Variants in PCDH15 observed in about 807,000 individuals in gnomAD.
PCDH15 encodes protocadherin related 15.
In PCDH15, 129 loss-of-function variants were observed where a neutral mutation model predicts 178.5. The ratio of observed to expected loss-of-function variants is 0.72; its 90% CI spans 0.63 to 0.84. The LOEUF (loss-of-function observed/expected upper bound fraction) is 0.84. Among genes scored for constraint, PCDH15 ranks in the 40% least tolerant of loss-of-function variants. The pLI is 0.00. For synonymous variants in PCDH15, 800 were observed against 732.0 expected, an observed-to-expected ratio of 1.09 and a Z score of -1.50; for missense variants, 2,230 against 2,099.9, an observed-to-expected ratio of 1.06 and a Z score of -1.21.
chr10:54,442,455 T>C (rs2075879608), intron 3 of PCDH15, among the ~76,000 whole-genome samples: 4 of 100,130 alleles, frequency 4.0e-5, no homozygotes, highest in South Asian at 3.1e-4. Context: ...TATATATATA[T>C]ATATACAGTC....
chr10:55,229,179 T>A (rs1208550166), intron 1 of PCDH15, among the ~76,000 whole-genome samples: 3 of 151,858 alleles, frequency 2.0e-5, no homozygotes, highest in African/African-American at 7.3e-5. Flanking sequence ...CACATACTTT[T>A]ATAGTATGGG....
At chr10:55,468,225 G>T (rs1290707159) in intron 2 of PCDH15, 3 of 152,086 alleles carry the variant, frequency 2.0e-5, no homozygotes, top group Non-Finnish European at 4.4e-5. Flanking sequence ...TTCCTAGAAA[G>T]TTGCCCAACT....
chr10:53,988,176 G>T (rs1015788516), intron 21 of PCDH15, among the ~76,000 whole-genome samples: 1 of 152,038 alleles, frequency 6.6e-6, no homozygotes, highest in African/African-American at 2.4e-5. Flanking sequence ...TCCTTCTCAC[G>T]GAGTTGCTGA....
intron 14 of PCDH15, among the ~76,000 whole-genome samples, chr10:54,134,888 T>C (rs2042769623): frequency 1.3e-5 from 2 of 151,950 alleles, no homozygotes; most frequent in South Asian, 2.1e-4. Flanking sequence ...AATAGAATAG[T>C]AAGCATAAAA....
At chr10:55,235,433 TTTTA>T (rs1473438262) in intron 1 of PCDH15, among the ~76,000 whole-genome samples, 11 of 152,164 alleles carry the variant, frequency 7.2e-5, no homozygotes, top group Non-Finnish European at 1.6e-4. Flanking sequence ...CTTAAAAATC[TTTTA>T]TTTGTCTACT....
chr10:55,247,490 C>G (rs140022635), intron 1 of PCDH15, among the ~76,000 whole-genome samples: 1,605 of 152,162 alleles, frequency 0.011, 39 homozygotes, highest in African/African-American at 0.037. Flanking sequence ...ATTTTTTGGG[C>G]TGGAGGTGGC....
intron 1 of PCDH15, among the ~76,000 whole-genome samples, chr10:54,718,986 C>T (rs558986589): frequency 6.6e-6 from 1 of 151,990 alleles, no homozygotes; most frequent in East Asian, 1.9e-4. Flanking sequence ...TGAGCCACTG[C>T]ACCCGGTCCA....
intron 3 of PCDH15, among the ~76,000 whole-genome samples, chr10:54,454,937 G>C (rs895303739): frequency 4.6e-5 from 7 of 152,100 alleles, no homozygotes; most frequent in African/African-American, 1.4e-4. Flanking sequence ...CATGTGTTGT[G>C]GGAGGGATCC....
At chr10:54,729,986 T>C (rs1943116743) in intron 1 of PCDH15, among the ~76,000 whole-genome samples, 1 of 151,378 alleles carries the variant, frequency 6.6e-6, no homozygotes, top group Non-Finnish European at 1.5e-5. Context: ...GGAAATCAGT[T>C]TGGAGATTTG....
chr10:54,742,339 G>A, intron 1 of PCDH15, among the ~76,000 whole-genome samples: 1 of 151,904 alleles, frequency 6.6e-6, no homozygotes, highest in East Asian at 1.9e-4. Context: ...TTTTTCATAA[G>A]ATGATGGCTG....
intron 1 of PCDH15, among the ~76,000 whole-genome samples, chr10:54,707,549 T>C: frequency 6.6e-6 from 1 of 151,998 alleles, no homozygotes; most frequent in East Asian, 1.9e-4. Context: ...ATAAAATAAT[T>C]AAAATAGTAA....
At chr10:54,970,461 G>C (rs1246573553) in intron 2 of PCDH15, among the ~76,000 whole-genome samples, 1 of 152,154 alleles carries the variant, frequency 6.6e-6, no homozygotes, top group African/African-American at 2.4e-5. Context: ...AAGTGGCTGT[G>C]ATTAGAACAT....
intron 2 of PCDH15, among the ~76,000 whole-genome samples, chr10:54,987,873 C>A (rs941310689): frequency 6.6e-6 from 1 of 152,024 alleles, no homozygotes; most frequent in South Asian, 2.1e-4. Flanking sequence ...TTAATTAGAT[C>A]TCATTTGTCA....
chr10:54,478,920 T>C (rs948408958), intron 3 of PCDH15, among the ~76,000 whole-genome samples: 1 of 151,088 alleles, frequency 6.6e-6, no homozygotes, highest in Non-Finnish European at 1.5e-5. Context: ...GCAATACAAA[T>C]GTAGAGTTAT....
intron 3 of PCDH15, among the ~76,000 whole-genome samples, chr10:54,474,304 T>C (rs1426094198): frequency 6.6e-6 from 1 of 151,942 alleles, no homozygotes; most frequent in Admixed American, 6.6e-5. Flanking sequence ...TCAATCCTTG[T>C]TTTACAGATG....
At chr10:54,939,636 A>T (rs966360222) in intron 2 of PCDH15, among the ~76,000 whole-genome samples, 2 of 151,632 alleles carry the variant, frequency 1.3e-5, no homozygotes, top group Non-Finnish European at 2.9e-5. Context: ...TGAGTCAGTA[A>T]TTTGAGTGTT....
At chr10:54,683,610 T>C (rs2094938805) in intron 1 of PCDH15, among the ~76,000 whole-genome samples, 1 of 152,132 alleles carries the variant, frequency 6.6e-6, no homozygotes, top group South Asian at 2.1e-4. Flanking sequence ...CTAATTGATT[T>C]CATTTCTTTA....
Position 55,102,400 on chromosome 10 carries a change from A to G in PCDH15, c.-80+64176T>C, listed in dbSNP as rs72801637. Among the ~76,000 whole-genome samples the G allele has an allele frequency of 4.3e-3, 652 of 152,244 alleles. 5 individuals carry two copies. The highest frequency in any genetic ancestry group is 6.8e-3 in the Middle Eastern group (2 of 294). ...TCTCAGTAGATGCCTGAAATTATGG[A>G]TAGTACTGAGCCCTATATATACTCT... On this transcript the variant is annotated intron_variant, in intron 2 of 5. Coordinates refer to the PCDH15 transcript ENST00000458638.
intron 8 of PCDH15, among the ~76,000 whole-genome samples, chr10:54,284,416 T>C (rs1286951570): frequency 1.3e-5 from 2 of 152,204 alleles, no homozygotes; most frequent in African/African-American, 4.8e-5. Flanking sequence ...GATTGGGCAA[T>C]GTGTGGCACA....
Sources: allele counts gnomAD v4.1 joint callset (sites outside exome capture counted in the v4.1 genomes callset), GRCh38; gene constraint gnomAD v4.1.1; transcripts MANE v1.5; gene names NCBI Gene and HGNC (gene_info 2026-07-23, HGNC 2026-07-21).